The following WDR4 variants were observed in gnomAD, a reference collection of about 807,000 sequenced individuals.
WDR4 encodes the protein WDR4 tRNA N7-guanosine methyltransferase non-catalytic subunit, also known as tRNA (guanine-N(7)-)-methyltransferase non-catalytic subunit WDR4.
WDR4 carries 47 observed loss-of-function variants against 48.6 expected under a neutral mutation model. The ratio of observed to expected loss-of-function variants is 0.97; its 90% confidence interval spans 0.77 to 1.23. The LOEUF is 1.23. Ranked by LOEUF, WDR4 falls within the 50% of genes most tolerant of loss-of-function variation. The pLI is 0.00. For missense variants in WDR4, 606 were observed against 551.6 expected (o/e 1.10, Z -0.99); for synonymous variants, 268 against 230.0 (o/e 1.17, Z -1.49).
chr21:42,856,306 G>A lies in WDR4; in HGVS notation c.628-526C>T, dbSNP rs543003071. On this transcript the variant is annotated intron_variant, in intron 6 of 10. Coordinates refer to ENST00000398208, the MANE Select transcript of WDR4 (RefSeq NM_018669.6). ...AACTGGTACAACCCTTCAGGAAGCCGACACAGGAACCAAGAGGCTCCACGC... is the reference window on the plus strand; with the variant it reads ...AACTGGTACAACCCTTCAGGAAGCCAACACAGGAACCAAGAGGCTCCACGC... Among the ~76,000 whole-genome samples the A allele has an allele frequency of 3.9e-5, 6 of 152,336 alleles. No individual in the cohort carries two copies. In the South Asian group the frequency reaches 1.0e-3, roughly 26 times the overall value.
At chr21:42,856,364 C>G (rs554862635) in intron 6 of WDR4, among the ~76,000 whole-genome samples, 2 of 152,188 alleles carry the variant, frequency 1.3e-5, no homozygotes, top group Non-Finnish European at 2.9e-5. Flanking sequence ...AAAAGCGTTT[C>G]TCTTTTTTTT....
At chr21:42,890,974 G>C in the WDR4 span, among the ~76,000 whole-genome samples, 2 of 152,140 alleles carry the variant, frequency 1.3e-5, no homozygotes, top group African/African-American at 4.8e-5. Context: ...TTAGGCACTG[G>C]CCTCACACAT....
intron 1 of WDR4, chr21:42,878,886 A>C: frequency 3.3e-6 from 3 of 898,376 alleles, no homozygotes; most frequent in Non-Finnish European, 4.0e-6. Flanking sequence ...AATTAAGGCC[A>C]GGTGAGTGGA....
downstream of WDR4, among the ~76,000 whole-genome samples, chr21:42,848,304 C>T (rs2057728837): frequency 6.6e-6 from 1 of 151,810 alleles, no homozygotes; most frequent in Non-Finnish European, 1.5e-5. Context: ...GCGGCGCACA[C>T]CTCACTCACA....
intron 2 of WDR4, among the ~76,000 whole-genome samples, chr21:42,874,994 A>G (rs1047994653): frequency 1.8e-4 from 27 of 152,110 alleles, no homozygotes; most frequent in African/African-American, 6.3e-4. Flanking sequence ...GGCATCACGG[A>G]ACCTACCGAC....
At chr21:42,859,800 T>C (rs995590269) in intron 5 of WDR4, 78 bp from the exon 6 acceptor site, 15 of 1,421,058 alleles carry the variant, frequency 1.1e-5, no homozygotes, top group Non-Finnish European at 1.5e-5. Context: ...AGGCCGCCTG[T>C]TCATCTAAGG....
intron 5 of WDR4, among the ~76,000 whole-genome samples, chr21:42,860,834 C>G (rs1446881705): frequency 6.6e-6 from 1 of 152,236 alleles, no homozygotes; most frequent in Non-Finnish European, 1.5e-5. Context: ...CTGAGGGCTG[C>G]ACACACCAAC....
At chr21:42,879,713 C>A, upstream of WDR4, 1 of 557,398 alleles carries the variant, frequency 1.8e-6, no homozygotes. Context: ...TGGCAGTTCA[C>A]TCACCAAGGT....
the WDR4 span, among the ~76,000 whole-genome samples, chr21:42,887,452 G>A: frequency 6.6e-6 from 1 of 152,018 alleles, no homozygotes; most frequent in Non-Finnish European, 1.5e-5. Flanking sequence ...GCCTCTACTT[G>A]TTACTGCAAT....
At chr21:42,889,323 G>T in the WDR4 span, among the ~76,000 whole-genome samples, 1 of 152,118 alleles carries the variant, frequency 6.6e-6, no homozygotes, top group Non-Finnish European at 1.5e-5. Flanking sequence ...CTGAAACACA[G>T]GAAGTATATG....
At chr21:42,868,544 T>TG (rs2058300214) in intron 3 of WDR4, among the ~76,000 whole-genome samples, 1 of 152,162 alleles carries the variant, frequency 6.6e-6, no homozygotes, top group South Asian at 2.1e-4. Flanking sequence ...ACTCCTCAAA[T>TG]GGTGTCTGGT....
In WDR4 at chr21:42,873,538, T is replaced by G. The variant is rs1296874486; in HGVS notation, c.296+13A>C. 3.7e-6 allele frequency: 6 copies of G among 1,613,796 alleles called. No individual in the cohort carries two copies. Among genetic ancestry groups the G allele is most frequent in the Non-Finnish European group, 3.4e-6 (4 of 1,179,778 alleles). On this transcript the variant is annotated intron_variant, in intron 3 of 10. Transcript: ENST00000398208. ...ATTCGACATCTTAAGAATCCAGCGTTAGCATCTCATACCTGACACTCAGAC... is the reference window on the plus strand; with the variant it reads ...ATTCGACATCTTAAGAATCCAGCGTGAGCATCTCATACCTGACACTCAGAC...
intron 1 of WDR4, chr21:42,878,927 T>C (rs1041573492): frequency 2.0e-6 from 2 of 985,048 alleles, no homozygotes; most frequent in African/African-American, 1.7e-5. Context: ...CAGACAACCC[T>C]GCAAAAAGAG....
rs1273305500 is a variant in WDR4, at chr21:42,853,504, C to T, written c.975+65G>A. On this transcript the variant is annotated intron_variant, in intron 9 of 10. Coordinates refer to ENST00000398208, the MANE Select transcript of WDR4 (RefSeq NM_018669.6). Reference sequence around the variant, plus strand: ...CCATGGACCCAAAAAACATAGCTGCCGCCCCACACCCCCAGGCTTATGGAA... The same window carrying T: ...CCATGGACCCAAAAAACATAGCTGCTGCCCCACACCCCCAGGCTTATGGAA... 25 of 1,519,874 alleles carry T rather than the reference C, an allele frequency of 1.6e-5. No homozygotes were observed. The Admixed American group carries it at 2.5e-4, about 15-fold the overall frequency. 94.1% of individuals were successfully genotyped at this position (1,519,874 alleles called of 1,614,324 possible). A position where few individuals can be genotyped will look rare whatever the true frequency, so the allele number is the denominator to read the frequency against.
In WDR4 at chr21:42,879,526, T is replaced by G. The variant is rs375147243; in HGVS notation, c.-31A>C. ...CGCCCGCCTCACCGCCATACACATG[T>G]GCCAGCCCAGAGCCTCTTCCTGTCC... is the stretch of plus-strand genomic sequence containing the variant. On this transcript the variant is annotated 5_prime_UTR_variant, in exon 1 of 11. Coordinates refer to ENST00000398208, the MANE Select transcript of WDR4 (RefSeq NM_018669.6). 4.3e-6 allele frequency: 7 copies of G among 1,610,732 alleles called. No homozygotes were observed. In the African/African-American group the frequency reaches 9.4e-5, roughly 22 times the overall value.
intron 3 of WDR4, among the ~76,000 whole-genome samples, chr21:42,871,964 T>G (rs762296917): frequency 4.0e-4 from 60 of 150,930 alleles, no homozygotes; most frequent in Admixed American, 7.9e-4. Flanking sequence ...AGGCATTCAT[T>G]GCTTTTGATG....
At chr21:42,885,621 T>A in the WDR4 span, among the ~76,000 whole-genome samples, 1 of 151,650 alleles carries the variant, frequency 6.6e-6, no homozygotes, top group Non-Finnish European at 1.5e-5. Context: ...AAAAAATATA[T>A]AGATAGATAG....
At chr21:42,886,888 C>T in the WDR4 span, 1 of 152,386 alleles carries the variant, frequency 6.6e-6, no homozygotes, top group South Asian at 2.1e-4. Flanking sequence ...TGTTCATTCA[C>T]TGGTAGGATG....
chr21:42,880,988 C>T (rs980245400), upstream of WDR4, among the ~76,000 whole-genome samples: 1 of 151,532 alleles, frequency 6.6e-6, no homozygotes, highest in African/African-American at 2.4e-5. Flanking sequence ...GAAGTGCAAC[C>T]TCCACCTCCC....
Sources: gnomAD v4.1 joint callset for allele counts (sites outside exome capture counted in the v4.1 genomes callset) on GRCh38, gnomAD v4.1.1 for gene constraint, MANE v1.5 for transcripts, NCBI Gene and HGNC (gene_info 2026-07-23, HGNC 2026-07-21) for gene names.